The following FER variants were observed in gnomAD, a reference collection of about 807,000 sequenced individuals.
FER encodes the protein FER tyrosine kinase, also known as tyrosine-protein kinase Fer.
FER carries 63 observed loss-of-function variants against 111.0 expected under a neutral mutation model. The observed-to-expected ratio is 0.57, with a 90% CI of 0.46 to 0.70. FER has a LOEUF of 0.70. FER is among the 30% of genes least tolerant of loss of function. The probability of loss-of-function intolerance (pLI) is 0.00; values close to 1 mark genes in which losing one functional copy is unlikely to be tolerated. For missense variants in FER, 914 were observed against 954.0 expected, an observed-to-expected ratio of 0.96 and a Z score of 0.55; for synonymous variants, 327 against 313.9, an observed-to-expected ratio of 1.04 and a Z score of -0.44.
At chr5:108,900,402 A>C (rs888183729) in intron 10 of FER, among the ~76,000 whole-genome samples, 3 of 152,218 alleles carry the variant, frequency 2.0e-5, no homozygotes, top group Admixed American at 6.5e-5. Context: ...TTTGTCCCCA[A>C]ATGACTGTTT....
intron 13 of FER, among the ~76,000 whole-genome samples, chr5:109,023,769 T>A (rs769476305): frequency 5.3e-5 from 8 of 152,090 alleles, no homozygotes; most frequent in Non-Finnish European, 8.8e-5. Flanking sequence ...GCCTGTCACT[T>A]GATAGATATT....
chr5:109,167,093 C>A (rs1286375751), intron 17 of FER, among the ~76,000 whole-genome samples: 2 of 152,092 alleles, frequency 1.3e-5, no homozygotes, highest in African/African-American at 2.4e-5. Context: ...ACTATCTCTT[C>A]TTATAGAATT....
In FER at chr5:109,108,778, C is replaced by T. The variant is rs1048208323; in HGVS notation, c.2048+8259C>T. 9.9e-5 allele frequency among the ~76,000 whole-genome samples: 15 copies of T among 152,102 alleles called. No homozygotes were observed. In the South Asian group the frequency reaches 1.9e-3, roughly 19 times the overall value. On this transcript the variant is annotated intron_variant, in intron 17 of 19. Transcript: ENST00000281092. ...GGGGAATTCATCAGAACATAGATGA[C>T]GCAGAAACAAGTTTGACCTTCTGGC...
intron 13 of FER, among the ~76,000 whole-genome samples, chr5:108,963,575 A>C (rs534738460): frequency 6.6e-6 from 1 of 152,284 alleles, no homozygotes; most frequent in East Asian, 1.9e-4. Context: ...AAACAAAACA[A>C]AACAAAAAAC....
At chr5:108,958,718 A>T (rs11950386) in intron 12 of FER, among the ~76,000 whole-genome samples, 1,548 of 152,018 alleles carry the variant, frequency 0.01, 22 homozygotes, top group African/African-American at 0.036. Flanking sequence ...AAGCAAACTA[A>T]TACTGTATCA....
intron 17 of FER, among the ~76,000 whole-genome samples, chr5:109,129,947 TAAC>T (rs1420542329): frequency 6.6e-6 from 1 of 152,022 alleles, no homozygotes; most frequent in Non-Finnish European, 1.5e-5. Context: ...TGAGAAATAA[TAAC>T]AATACCAAAT....
At chr5:109,003,455 G>A (rs1432031361) in intron 13 of FER, among the ~76,000 whole-genome samples, 1 of 152,058 alleles carries the variant, frequency 6.6e-6, no homozygotes, top group African/African-American at 2.4e-5. Flanking sequence ...ATCACACTCT[G>A]GGGCCTGTTG....
At chr5:109,140,849 C>T (rs1753445770) in intron 17 of FER, among the ~76,000 whole-genome samples, 1 of 152,116 alleles carries the variant, frequency 6.6e-6, no homozygotes, top group Admixed American at 6.6e-5. Context: ...AATCCTTTAT[C>T]ATTTAAGTGA....
intron 10 of FER, chr5:108,924,658 G>T: frequency 8.1e-7 from 1 of 1,231,952 alleles, no homozygotes; most frequent in South Asian, 4.1e-5. Context: ...GCTAAATTTT[G>T]AGATGGAGCA....
chr5:108,885,386 A>G (rs1489588639), intron 9 of FER, among the ~76,000 whole-genome samples: 7 of 151,960 alleles, frequency 4.6e-5, no homozygotes, highest in Non-Finnish European at 8.8e-5. Flanking sequence ...TCTCATTTAT[A>G]CTATAGCTGT....
intron 17 of FER, among the ~76,000 whole-genome samples, chr5:109,158,579 T>G (rs1327234378): frequency 1.3e-5 from 2 of 152,186 alleles, no homozygotes; most frequent in Non-Finnish European, 2.9e-5. Context: ...TGCTTTGATA[T>G]TCTTTTAAAT....
Position 108,938,871 on chromosome 5 carries a change from T to G in FER, c.1237-7259T>G, listed in dbSNP as rs1755880161. Among the ~76,000 whole-genome samples the G allele has an allele frequency of 2.0e-5, 3 of 151,998 alleles. No homozygotes were observed. The South Asian group carries it at 6.2e-4, about 31-fold the overall frequency. On this transcript the variant is annotated intron_variant, in intron 10 of 19. Transcript: ENST00000281092. ...ACTGATGTAGAGTGGACAAAAATGT[T>G]TCCCCTTCCACCCCTACAGATTGAA...
intron 8 of FER, among the ~76,000 whole-genome samples, chr5:108,883,059 A>G (rs1161378499): frequency 3.3e-5 from 5 of 151,972 alleles, no homozygotes; most frequent in African/African-American, 9.7e-5. Context: ...CCATTTACTC[A>G]ATGTCTACCA....
intron 3 of FER, among the ~76,000 whole-genome samples, chr5:108,816,918 G>A (rs1376402044): frequency 1.3e-5 from 2 of 151,464 alleles, no homozygotes; most frequent in Admixed American, 6.6e-5. Context: ...CCTGGGCAAC[G>A]TGGCAAAATC....
intron 13 of FER, among the ~76,000 whole-genome samples, chr5:108,984,400 AT>A: frequency 6.6e-6 from 1 of 152,266 alleles, no homozygotes; most frequent in East Asian, 1.9e-4. Flanking sequence ...CAGTTATTAT[AT>A]ATACAAGTTT....
At chr5:108,891,655 TG>T (rs1167295725) in intron 9 of FER, 1 of 151,080 alleles carries the variant, frequency 6.6e-6, no homozygotes, top group African/African-American at 2.4e-5. Flanking sequence ...CTCTTTTGTT[TG>T]TTTTTTTTTT....
intron 10 of FER, among the ~76,000 whole-genome samples, chr5:108,918,170 C>T (rs962245884): frequency 6.6e-6 from 1 of 152,088 alleles, no homozygotes; most frequent in African/African-American, 2.4e-5. Flanking sequence ...ATATAACACT[C>T]TTAAATAAAA....
intron 13 of FER, among the ~76,000 whole-genome samples, chr5:108,987,795 T>A (rs1762741967): frequency 6.6e-6 from 1 of 152,016 alleles, no homozygotes; most frequent in Non-Finnish European, 1.5e-5. Context: ...TTTTTTCTCT[T>A]GTCTGATTGC....
chr5:108,776,741 A>T (rs1053701716), intron 2 of FER, among the ~76,000 whole-genome samples: 1 of 152,194 alleles, frequency 6.6e-6, no homozygotes, highest in African/African-American at 2.4e-5. Flanking sequence ...AAAAGTTTTA[A>T]ATCAGTATTT....
Sources: gnomAD v4.1 joint callset for allele counts (sites outside exome capture counted in the v4.1 genomes callset) on GRCh38, gnomAD v4.1.1 for gene constraint, MANE v1.5 for transcripts, NCBI Gene and HGNC (gene_info 2026-07-23, HGNC 2026-07-21) for gene names.